Variants in TRPM3 observed in about 807,000 individuals in gnomAD.
TRPM3 encodes the protein transient receptor potential cation channel subfamily M member 3, also known as long transient receptor potential channel 3.
A neutral mutation model predicts 181.2 loss-of-function variants in TRPM3; 77 were observed. That is an observed-to-expected ratio of 0.42 (90% confidence interval 0.35 to 0.51). TRPM3 has a LOEUF of 0.51. TRPM3 is among the 20% of genes least tolerant of loss of function. The pLI is 0.01. For missense variants in TRPM3, 1,759 were observed against 2,196.7 expected (o/e 0.80, Z 3.98); for synonymous variants, 745 against 796.4 (o/e 0.94, Z 1.09).
chr9:70,879,111 G>A (rs1311874554), intron 1 of TRPM3, among the ~76,000 whole-genome samples: 9 of 152,068 alleles, frequency 5.9e-5, no homozygotes, highest in Admixed American at 5.9e-4. Flanking sequence ...GGACACTGAG[G>A]AAGTGGAGGT....
At chr9:71,141,963 C>G (rs1029422524) in intron 1 of TRPM3, among the ~76,000 whole-genome samples, 3 of 152,118 alleles carry the variant, frequency 2.0e-5, no homozygotes, top group Non-Finnish European at 4.4e-5. Context: ...AGTTTCTTCT[C>G]TATAGTGGAC....
At chr9:71,392,002 G>C (rs2132953558) in intron 1 of TRPM3, among the ~76,000 whole-genome samples, 1 of 152,190 alleles carries the variant, frequency 6.6e-6, no homozygotes, top group South Asian at 2.1e-4. Flanking sequence ...CAGTGGCTTG[G>C]ACAGTCTTTC....
chr9:70,913,176 A>C (rs1044721368), intron 1 of TRPM3, among the ~76,000 whole-genome samples: 4 of 152,200 alleles, frequency 2.6e-5, no homozygotes, highest in African/African-American at 9.7e-5. Flanking sequence ...ATTTGTGATG[A>C]ACTGTCTTCC....
chr9:71,337,079 C>T (rs985678295), intron 1 of TRPM3, among the ~76,000 whole-genome samples: 5 of 152,016 alleles, frequency 3.3e-5, no homozygotes, highest in African/African-American at 1.2e-4. Context: ...AAAGCAATGG[C>T]AACAAAAGGC....
chr9:70,653,716 T>C lies in TRPM3; in HGVS notation c.1346-13056A>G, dbSNP rs1240420092. 2.0e-5 allele frequency among the ~76,000 whole-genome samples: 3 copies of C among 150,660 alleles called. No individual in the cohort carries two copies. In the East Asian group the frequency reaches 5.8e-4, roughly 29 times the overall value. ...AAAAAAAAAACAAACCAAACAAATG[T>C]TCTTTCATTTACTTTTCTTTCACCC... On this transcript the variant is annotated intron_variant, in intron 9 of 25. Coordinates refer to ENST00000677713, the MANE Select transcript of TRPM3 (RefSeq NM_001366145.2).
intron 1 of TRPM3, among the ~76,000 whole-genome samples, chr9:71,233,990 A>G (rs1018934095): frequency 1.3e-5 from 2 of 152,232 alleles, no homozygotes; most frequent in African/African-American, 4.8e-5. Context: ...AGTAGTTTAC[A>G]ATAACAATAT....
At chr9:71,344,096 T>C (rs1025482136) in intron 1 of TRPM3, among the ~76,000 whole-genome samples, 26 of 152,064 alleles carry the variant, frequency 1.7e-4, no homozygotes, top group African/African-American at 5.6e-4. Context: ...TTACATAAGA[T>C]GATAACTGAT....
At chr9:70,771,607 G>A (rs1425434154) in intron 7 of TRPM3, among the ~76,000 whole-genome samples, 2 of 152,094 alleles carry the variant, frequency 1.3e-5, no homozygotes, top group African/African-American at 4.8e-5. Flanking sequence ...TGGTAAGAAA[G>A]GTATTTAGTC....
intron 3 of TRPM3, among the ~76,000 whole-genome samples, chr9:70,852,752 G>A (rs780942365): frequency 6.6e-6 from 1 of 151,988 alleles, no homozygotes; most frequent in Non-Finnish European, 1.5e-5. Flanking sequence ...ACATAATCTT[G>A]CCAATTCTGA....
intron 1 of TRPM3, among the ~76,000 whole-genome samples, chr9:71,390,289 A>T (rs2093032247): frequency 6.6e-6 from 1 of 152,184 alleles, no homozygotes; most frequent in African/African-American, 2.4e-5. Flanking sequence ...TGAATTTACT[A>T]TGTTTTTTAT....
chr9:70,813,672 A>T (rs1485149644), intron 6 of TRPM3, among the ~76,000 whole-genome samples: 1 of 152,190 alleles, frequency 6.6e-6, no homozygotes, highest in Non-Finnish European at 1.5e-5. Flanking sequence ...TTAGAGAAAA[A>T]AAACACTTGC....
intron 1 of TRPM3, among the ~76,000 whole-genome samples, chr9:71,071,263 C>T (rs116191633): frequency 1.2e-3 from 187 of 152,228 alleles, no homozygotes; most frequent in African/African-American, 4.2e-3. Context: ...TTGAGGGTAA[C>T]GGAACCTCCT....
chr9:70,767,813 C>T (rs551289730), intron 7 of TRPM3, among the ~76,000 whole-genome samples: 16 of 152,232 alleles, frequency 1.1e-4, no homozygotes, highest in East Asian at 3.9e-4. Flanking sequence ...ACTTCTTACA[C>T]GGAAGCTGGC....
chr9:70,960,891 G>A (rs2097129888), intron 1 of TRPM3, among the ~76,000 whole-genome samples: 1 of 152,162 alleles, frequency 6.6e-6, no homozygotes, highest in Admixed American at 6.5e-5. Flanking sequence ...ATGATTTTGT[G>A]CTGTGTAGGA....
chr9:70,741,251 C>T (rs1252013508), intron 8 of TRPM3, among the ~76,000 whole-genome samples: 2 of 152,080 alleles, frequency 1.3e-5, no homozygotes. Flanking sequence ...CAAATCAAAA[C>T]CACAATGCAA....
intron 1 of TRPM3, among the ~76,000 whole-genome samples, chr9:71,409,570 T>C (rs1274058617): frequency 6.6e-6 from 1 of 152,118 alleles, no homozygotes; most frequent in Non-Finnish European, 1.5e-5. Flanking sequence ...ATCCTAAATA[T>C]ATATGCACCC....
chr9:70,857,898 G>GA (rs1321227051), intron 3 of TRPM3, among the ~76,000 whole-genome samples: 2 of 152,136 alleles, frequency 1.3e-5, no homozygotes, highest in African/African-American at 4.8e-5. Context: ...CGCAAGTTGT[G>GA]AATTGCTGCA....
chr9:71,437,187 A>G (rs2094054757), intron 1 of TRPM3, among the ~76,000 whole-genome samples: 1 of 152,228 alleles, frequency 6.6e-6, no homozygotes, highest in Non-Finnish European at 1.5e-5. Context: ...TCAGAATGAG[A>G]AAATAGTTGA....
At chr9:71,140,350 T>C (rs2100066700) in intron 1 of TRPM3, among the ~76,000 whole-genome samples, 1 of 152,174 alleles carries the variant, frequency 6.6e-6, no homozygotes, top group South Asian at 2.1e-4. Flanking sequence ...CCAGTCACCA[T>C]ATCTCCGGTG....
Sources: allele counts gnomAD v4.1 joint callset (sites outside exome capture counted in the v4.1 genomes callset), GRCh38; gene constraint gnomAD v4.1.1; transcripts MANE v1.5; gene names NCBI Gene and HGNC (gene_info 2026-07-23, HGNC 2026-07-21).